The following RYK variants were observed in gnomAD, a reference collection of about 807,000 sequenced individuals.
RYK encodes the protein receptor like tyrosine kinase.
A neutral mutation model predicts 70.2 loss-of-function variants in RYK; 21 were observed. That is an observed-to-expected ratio of 0.30 (90% CI 0.21 to 0.43). The LOEUF (loss-of-function observed/expected upper bound fraction) is 0.43, where lower values mean the gene tolerates loss of function less well. RYK is among the 20% of genes least tolerant of loss of function. The pLI is 1.00. For synonymous variants in RYK, 267 were observed against 278.0 expected, an observed-to-expected ratio of 0.96 and a Z score of 0.39; for missense variants, 604 against 753.3, an observed-to-expected ratio of 0.80 and a Z score of 2.32.
chr3:134,222,965 G>T (rs1054976456), intron 1 of RYK, among the ~76,000 whole-genome samples: 1 of 152,156 alleles, frequency 6.6e-6, no homozygotes, highest in East Asian at 1.9e-4. Context: ...TAAAACATAA[G>T]CCTGAGCCAA....
chr3:134,249,916 C>CTTTTTTTTTTTTTTTTTTTT (rs1559770716), intron 1 of RYK, among the ~76,000 whole-genome samples: 1 of 86,596 alleles, frequency 1.2e-5, no homozygotes, highest in African/African-American at 8.1e-5. Flanking sequence ...CTTTCTCTCT[C>CTTTTTTTTTTTTTTTTTTTT]GTTTTTTTTT....
At chr3:134,247,931 T>C (rs2015507318) in intron 1 of RYK, among the ~76,000 whole-genome samples, 1 of 152,188 alleles carries the variant, frequency 6.6e-6, no homozygotes, top group African/African-American at 2.4e-5. Context: ...GTAGTGATTC[T>C]AAAATACGGT....
chr3:134,166,337 T>A (rs1199455474), intron 13 of RYK, among the ~76,000 whole-genome samples: 6 of 152,136 alleles, frequency 3.9e-5, no homozygotes, highest in African/African-American at 1.5e-4. Context: ...ACACCGAACC[T>A]GCTGGTACCT....
chr3:134,177,952 T>A lies in RYK; in HGVS notation c.1294A>T (p.Asn432Tyr). Reference sequence around the variant, plus strand: ...CAAATTTTTCTCACCTGTGGATTATTGGCCTCTACTAACTTGCACTGTCGT... The same window carrying A: ...CAAATTTTTCTCACCTGTGGATTATAGGCCTCTACTAACTTGCACTGTCGT... ...FLRQCKLVEANNPQAISQQDL... is the reference protein window; with the variant it reads ...FLRQCKLVEAYNPQAISQQDL... The change falls in exon 11 of 15, where the codon AAT becomes TAT. Residue 432 changes from asparagine to tyrosine, a missense_variant. Transcript: ENST00000623711. 6.2e-7 allele frequency: 1 copy of A among 1,609,734 alleles called. No individual in the cohort carries two copies. Among genetic ancestry groups the A allele is most frequent in the Non-Finnish European group, 8.5e-7 (1 of 1,178,802 alleles).
rs1446139429 is a variant in RYK, at chr3:134,195,198, G to T, written c.789-16C>A. On this transcript the variant is annotated splice_polypyrimidine_tract_variant and intron_variant, in intron 6 of 14. Coordinates refer to ENST00000623711, the MANE Select transcript of RYK (RefSeq NM_002958.4). ...GGCACTAATGCTGCAAACAATTTTT[G>T]AGAGAAATATTTGACAAGTCAGTTT... is the stretch of plus-strand genomic sequence containing the variant. 6.3e-7 allele frequency: 1 copy of T among 1,576,310 alleles called. No individual in the cohort carries two copies. Among genetic ancestry groups the T allele is most frequent in the Non-Finnish European group, 8.7e-7 (1 of 1,149,130 alleles).
At chr3:134,236,468 G>A (rs1024472354) in intron 1 of RYK, among the ~76,000 whole-genome samples, 30 of 152,144 alleles carry the variant, frequency 2.0e-4, no homozygotes, top group African/African-American at 6.5e-4. Flanking sequence ...TCATGGACTG[G>A]AAGACTTAAC....
At chr3:134,176,101 CT>C in intron 11 of RYK, 62 bp from the exon 12 acceptor site, 6 of 983,816 alleles carry the variant, frequency 6.1e-6, no homozygotes, top group South Asian at 1.4e-5. Flanking sequence ...CACTTTCTTA[CT>C]TTTTTTATTC....
At chr3:134,181,931 C>A (rs1400460625) in intron 10 of RYK, among the ~76,000 whole-genome samples, 3 of 152,004 alleles carry the variant, frequency 2.0e-5, no homozygotes, top group African/African-American at 7.2e-5. Context: ...TTTGGGAGGC[C>A]GAGGTGGGCA....
At position 134,241,349 on chromosome 3, in the gene RYK, C is replaced by CAA. The variant is rs34002861; in HGVS notation, c.232+9072_232+9073dup. 8.9e-3 allele frequency among the ~76,000 whole-genome samples: 1,151 copies of CAA among 129,450 alleles called. 11 individuals carry two copies. Among genetic ancestry groups the CAA allele is most frequent in the Middle Eastern group, 0.058 (15 of 258 alleles). 84.9% of individuals were successfully genotyped at this position (129,450 alleles called of 152,430 possible). On this transcript the variant is annotated intron_variant, in intron 1 of 14. Transcript: ENST00000623711. ...TGAGAGAAAGAGCAAGACTCTATCT[C>CAA]AAAAAAAAAAAAAGAAAGGTGACAA...
chr3:134,177,191 G>A (rs2013135347), intron 11 of RYK, among the ~76,000 whole-genome samples: 1 of 152,196 alleles, frequency 6.6e-6, no homozygotes, highest in Non-Finnish European at 1.5e-5. Context: ...CCCAGGTAAT[G>A]CAGATGAGCC....
intron 8 of RYK, among the ~76,000 whole-genome samples, chr3:134,190,627 T>A (rs1232375557): frequency 6.6e-6 from 1 of 152,218 alleles, no homozygotes; most frequent in African/African-American, 2.4e-5. Flanking sequence ...TGACCACCTT[T>A]TTAAATGTTA....
chr3:134,162,239 T>TC (rs1446905765), intron 13 of RYK, among the ~76,000 whole-genome samples: 1 of 151,892 alleles, frequency 6.6e-6, no homozygotes, highest in Non-Finnish European at 1.5e-5. Flanking sequence ...CAACCATTTT[T>TC]TTTTTTTTTT....
At chr3:134,189,073 T>G (rs2013563141) in intron 8 of RYK, 150 bp from the exon 9 acceptor site, 6 of 498,748 alleles carry the variant, frequency 1.2e-5, no homozygotes, top group Non-Finnish European at 2.1e-5. Flanking sequence ...ACCCAAATCT[T>G]TGGTTTTAAC....
intron 2 of RYK, among the ~76,000 whole-genome samples, chr3:134,216,003 G>C (rs527471332): frequency 1.3e-4 from 18 of 143,990 alleles, no homozygotes; most frequent in Admixed American, 1.0e-3. Flanking sequence ...ACCACTGCAC[G>C]CCAGTGTGGG....
intron 5 of RYK, among the ~76,000 whole-genome samples, chr3:134,204,131 T>C (rs1467913486): frequency 2.0e-5 from 3 of 152,130 alleles, no homozygotes; most frequent in East Asian, 1.9e-4. Flanking sequence ...ACAACAGAAA[T>C]TGTTTTGCTT....
chr3:134,204,590 G>GCCACAGCC (rs1491145159), intron 5 of RYK, among the ~76,000 whole-genome samples: 1 of 48,092 alleles, frequency 2.1e-5, no homozygotes, highest in African/African-American at 1.4e-4. Flanking sequence ...CACAGCCACA[G>GCCACAGCC]CCACACACAC....
intron 1 of RYK, among the ~76,000 whole-genome samples, chr3:134,239,622 T>G (rs1247339879): frequency 5.3e-5 from 8 of 152,214 alleles, no homozygotes; most frequent in Non-Finnish European, 1.2e-4. Flanking sequence ...AGGCACAGGA[T>G]AGTGAATTTT....
At chr3:134,200,366 G>A (rs755798621) in intron 6 of RYK, among the ~76,000 whole-genome samples, 6 of 151,996 alleles carry the variant, frequency 3.9e-5, no homozygotes, top group Admixed American at 6.6e-5. Flanking sequence ...GAAGGTCTGC[G>A]GCTTCACTCC....
intron 6 of RYK, among the ~76,000 whole-genome samples, chr3:134,196,557 T>C (rs1047302085): frequency 2.7e-5 from 4 of 147,108 alleles, no homozygotes; most frequent in African/African-American, 7.6e-5. Context: ...CTGGGCAACA[T>C]AGTGAGACCC....
Sources: allele counts gnomAD v4.1 joint callset (sites outside exome capture counted in the v4.1 genomes callset), GRCh38; gene constraint gnomAD v4.1.1; transcripts MANE v1.5; gene names NCBI Gene and HGNC (gene_info 2026-07-23, HGNC 2026-07-21).